The following LPXN variants were observed in gnomAD, a reference collection of about 807,000 sequenced individuals.
LPXN encodes the protein leupaxin.
LPXN carries 28 observed loss-of-function variants against 45.6 expected under a neutral mutation model. That is an observed-to-expected ratio of 0.61 (90% confidence interval 0.45 to 0.84). The LOEUF is 0.84. LPXN is among the 40% of genes least tolerant of loss of function. The pLI is 0.00. For synonymous variants in LPXN, 166 were observed against 169.9 expected (o/e 0.98, Z 0.18); for missense variants, 459 against 475.0 (o/e 0.97, Z 0.31).
chr11:58,578,866 A>G (rs1365830545), upstream of LPXN, among the ~76,000 whole-genome samples: 1 of 149,914 alleles, frequency 6.7e-6, no homozygotes, highest in Non-Finnish European at 1.5e-5. Context: ...TCACTTTGGG[A>G]TTGTCGCGAG....
chr11:58,551,220 C>T lies in LPXN; in HGVS notation c.331G>A (p.Ala111Thr), dbSNP rs762986181. ...TEMQAKVAVR[A>T]DAGKKHLPDK... ...GGTAAGTGCTTCTTGCCAGCATCTG[C>T]TCTCACTGCAACCTGGCCCAAGGGA... is the stretch of plus-strand genomic sequence containing the variant. Residue 111 changes from alanine (A) to threonine (T), a missense_variant, in exon 5 of 9, where the codon GCA becomes ACA. Coordinates refer to ENST00000395074, the MANE Select transcript of LPXN (RefSeq NM_004811.3). 1.0e-5 allele frequency: 16 copies of T among 1,606,542 alleles called. No homozygotes were observed. The highest frequency in any genetic ancestry group is 1.4e-5 in the Non-Finnish European group (16 of 1,176,934).
intron 3 of LPXN, among the ~76,000 whole-genome samples, chr11:58,558,081 A>C: frequency 6.6e-6 from 1 of 151,876 alleles, no homozygotes. Flanking sequence ...GGTCCAGGTA[A>C]GAGAATCACT....
chr11:58,557,106 T>G (rs1200369208), intron 3 of LPXN, among the ~76,000 whole-genome samples: 1 of 152,198 alleles, frequency 6.6e-6, no homozygotes, highest in South Asian at 2.1e-4. Flanking sequence ...GAATGTAGAT[T>G]GTTACAGCCA....
Position 58,550,011 on chromosome 11 carries a change from A to G in LPXN, c.622T>C (p.Ser208Pro). The change falls in exon 6 of 9, where the codon TCT becomes CCT. Residue 208 changes from serine to proline, a missense_variant. Coordinates refer to ENST00000395074, the MANE Select transcript of LPXN (RefSeq NM_004811.3). ...YCPNDYHQLF[S>P]PRCAYCAAPI... ...GCAGCGCAGTAAGCACAGCGTGGAG[A>G]AAAAAGTTGGTGGTAGTCGTTGGGG... is the stretch of plus-strand genomic sequence containing the variant. 5.0e-6 allele frequency: 8 copies of G among 1,614,178 alleles called. No individual in the cohort carries two copies. The highest frequency in any genetic ancestry group is 6.8e-6 in the Non-Finnish European group (8 of 1,180,032).
At chr11:58,552,110 C>G (rs533091366) in intron 4 of LPXN, among the ~76,000 whole-genome samples, 14 of 152,212 alleles carry the variant, frequency 9.2e-5, no homozygotes, top group African/African-American at 3.4e-4. Flanking sequence ...GTGAAGGAAT[C>G]TGGAGGATCC....
intron 7 of LPXN, among the ~76,000 whole-genome samples, chr11:58,535,355 G>C (rs1294183110): frequency 2.0e-5 from 3 of 152,162 alleles, no homozygotes; most frequent in Non-Finnish European, 4.4e-5. Flanking sequence ...TGGGACGCAA[G>C]GCTGGTTCAA....
At chr11:58,555,321 C>T (rs1854170002) in intron 3 of LPXN, among the ~76,000 whole-genome samples, 1 of 152,172 alleles carries the variant, frequency 6.6e-6, no homozygotes, top group Non-Finnish European at 1.5e-5. Context: ...TGGGTAGTTG[C>T]TACAAAGACT....
intron 1 of LPXN, 57 bp downstream of exon 1, chr11:58,575,703 G>C (rs370183407): frequency 5.5e-5 from 87 of 1,593,834 alleles, no homozygotes; most frequent in Non-Finnish European, 7.4e-5. Flanking sequence ...CACCACACAA[G>C]GAGATGGCAG....
chr11:58,527,592 GAT>G lies in LPXN; in HGVS notation c.1021_1022del (p.Ile341GlnfsTer10), dbSNP rs866083626. On this transcript the variant is annotated frameshift_variant, in exon 9 of 9. Coordinates refer to ENST00000395074, the MANE Select transcript of LPXN (RefSeq NM_004811.3). LOFTEE classifies it high-confidence loss of function. ...GATGGAACTTGTACCCCATGGCACT[GAT>G]ACAACGGCCAGTGATGGGCTGCCCA... Reference protein sequence around the residue: ...GCGQPITGRCISAMGYKFHPE... With the variant: ...GCGQPITGRCXSAMGYKFHPE... The G allele has an allele frequency of 6.2e-7, 1 of 1,614,088 alleles. No individual in the cohort carries two copies. The highest frequency in any genetic ancestry group is 1.3e-5 in the African/African-American group (1 of 74,924).
chr11:58,563,782 G>C (rs1389625493), intron 3 of LPXN, among the ~76,000 whole-genome samples: 1 of 152,164 alleles, frequency 6.6e-6, no homozygotes, highest in Admixed American at 6.5e-5. Context: ...CCTCATCCTA[G>C]CTCTGACATT....
chr11:58,572,739 G>C (rs1430230881), intron 1 of LPXN, among the ~76,000 whole-genome samples: 1 of 152,040 alleles, frequency 6.6e-6, no homozygotes, highest in Non-Finnish European at 1.5e-5. Context: ...ATTTATTTTA[G>C]AGGTCAGTGT....
At chr11:58,572,405 GA>G (rs1357684746) in intron 1 of LPXN, among the ~76,000 whole-genome samples, 1 of 151,812 alleles carries the variant, frequency 6.6e-6, no homozygotes, top group Non-Finnish European at 1.5e-5. Flanking sequence ...TCGGGCAAAT[GA>G]ATAACTGTAA....
At chr11:58,528,286 A>C in intron 7 of LPXN, 95 bp from the exon 8 acceptor site, 1 of 1,105,682 alleles carries the variant, frequency 9.0e-7, no homozygotes, top group Non-Finnish European at 1.3e-6. Flanking sequence ...CAGTGTCCTC[A>C]TATTCAAAAT....
chr11:58,544,241 G>A (rs1289458140), intron 7 of LPXN, among the ~76,000 whole-genome samples: 2 of 152,148 alleles, frequency 1.3e-5, no homozygotes, highest in Non-Finnish European at 2.9e-5. Flanking sequence ...TCTCAATTTT[G>A]TGTAGCATAA....
At chr11:58,542,459 A>G (rs1264687158) in intron 7 of LPXN, among the ~76,000 whole-genome samples, 1 of 151,832 alleles carries the variant, frequency 6.6e-6, no homozygotes, top group Admixed American at 6.6e-5. Flanking sequence ...TTTTTTTTAA[A>G]AAAGATGTAG....
Position 58,557,758 on chromosome 11 carries a change from T to C in LPXN, c.219-2818A>G, listed in dbSNP as rs146365824. On this transcript the variant is annotated intron_variant, in intron 3 of 8. Transcript: ENST00000395074. ...GTGTAACTGTGTGAGATAATAAATA[T>C]GTTAATTTGCCTCACTATAGTAACC... Among the ~76,000 whole-genome samples the C allele has an allele frequency of 1.4e-3, 207 of 152,312 alleles. 1 individual carries two copies. Among genetic ancestry groups the C allele is most frequent in the African/African-American group, 4.7e-3 (195 of 41,568 alleles).
chr11:58,549,919 A>T (rs533981130), intron 6 of LPXN, 52 bp from the exon 7 acceptor site: 344 of 1,613,766 alleles, frequency 2.1e-4, no homozygotes, highest in Middle Eastern at 1.2e-3. Flanking sequence ...GTAAAGCATG[A>T]CTCTGGTTCT....
chr11:58,556,233 A>G (rs1854200123), intron 3 of LPXN, among the ~76,000 whole-genome samples: 1 of 152,102 alleles, frequency 6.6e-6, no homozygotes, highest in Admixed American at 6.5e-5. Flanking sequence ...TTTGAAATTC[A>G]AAATTAGGAA....
At chr11:58,568,688 G>A (rs1008445700) in intron 2 of LPXN, among the ~76,000 whole-genome samples, 5 of 152,086 alleles carry the variant, frequency 3.3e-5, no homozygotes, top group African/African-American at 7.2e-5. Flanking sequence ...AAGGAGGTCT[G>A]TTAAGCCATA....
Sources: allele counts gnomAD v4.1 joint callset (sites outside exome capture counted in the v4.1 genomes callset), GRCh38; gene constraint gnomAD v4.1.1; transcripts MANE v1.5; gene names NCBI Gene and HGNC (gene_info 2026-07-23, HGNC 2026-07-21).